Variants in SHANK2 observed in about 807,000 individuals in gnomAD.
The protein encoded by SHANK2 is SH3 and multiple ankyrin repeat domains protein 2.
A neutral mutation model predicts 133.7 loss-of-function variants in SHANK2; 43 were observed. That is an observed-to-expected ratio of 0.32 (90% CI 0.25 to 0.41). The LOEUF is 0.41. Among genes scored for constraint, SHANK2 ranks in the 10% least tolerant of loss-of-function variants. SHANK2 has a pLI of 1.00. For synonymous variants in SHANK2, 1,017 were observed against 952.8 expected (o/e 1.07, Z -1.24); for missense variants, 1,994 against 2,235.8 (o/e 0.89, Z 2.18).
At chr11:71,082,722 G>A (rs1951316859) in intron 8 of SHANK2, among the ~76,000 whole-genome samples, 1 of 152,196 alleles carries the variant, frequency 6.6e-6, no homozygotes, top group African/African-American at 2.4e-5. Context: ...GATGGGCAGG[G>A]GGCAGCCTGG....
intron 2 of SHANK2, among the ~76,000 whole-genome samples, chr11:71,156,976 G>A (rs749256372): frequency 7.9e-5 from 12 of 152,154 alleles, no homozygotes; most frequent in Admixed American, 6.5e-4. Context: ...AAGTATTATC[G>A]CCTGAAAGAG....
Position 70,473,604 on chromosome 11 carries a change from A to C in SHANK2, c.4980-165T>G. ...ATGATTTGCCATGCCAGGGTGGGGG[A>C]GGGGGAGAAAGGGGCCAGAGCAAAG... On this transcript the variant is annotated intron_variant, in intron 25 of 25. Coordinates refer to ENST00000601538, the MANE Select transcript of SHANK2 (RefSeq NM_012309.5). The surrounding 1 kb of genome is among the most constrained non-coding windows in gnomAD (Gnocchi z 5.9). 7.7e-6 allele frequency: 4 copies of C among 521,672 alleles called. No individual in the cohort carries two copies. Among genetic ancestry groups the C allele is most frequent in the Non-Finnish European group, 1.1e-5 (3 of 278,246 alleles). 32.3% of individuals were successfully genotyped at this position (521,672 alleles called of 1,614,324 possible).
At chr11:70,490,916 A>G (rs1372956824) in intron 22 of SHANK2, among the ~76,000 whole-genome samples, 1 of 152,218 alleles carries the variant, frequency 6.6e-6, no homozygotes, top group Non-Finnish European at 1.5e-5. Context: ...TGTGTGGGTG[A>G]GCATGATGTG....
chr11:70,791,541 CA>C (rs1436876639), intron 14 of SHANK2, among the ~76,000 whole-genome samples: 11 of 152,322 alleles, frequency 7.2e-5, no homozygotes, highest in Admixed American at 2.0e-4. Context: ...AACTTCCACC[CA>C]ACTCTTCATA....
chr11:71,069,720 T>C (rs998296340), intron 9 of SHANK2, among the ~76,000 whole-genome samples: 1 of 152,180 alleles, frequency 6.6e-6, no homozygotes, highest in East Asian at 1.9e-4. Flanking sequence ...GGCAAGGCAA[T>C]GGGCTAGTCC....
intron 14 of SHANK2, among the ~76,000 whole-genome samples, chr11:70,728,834 T>C (rs185659774): frequency 6.6e-6 from 1 of 152,250 alleles, no homozygotes; most frequent in Non-Finnish European, 1.5e-5. Context: ...CAGCTAAACA[T>C]ACCCATAAGG....
chr11:70,815,160 G>A (rs1555053989), intron 12 of SHANK2, among the ~76,000 whole-genome samples: 1 of 145,788 alleles, frequency 6.9e-6, no homozygotes, highest in Non-Finnish European at 1.5e-5. Flanking sequence ...GCACCTTTAG[G>A]AGGATGGGAG....
chr11:70,765,155 G>T (rs1477950535), intron 14 of SHANK2, among the ~76,000 whole-genome samples: 1 of 152,194 alleles, frequency 6.6e-6, no homozygotes, highest in East Asian at 1.9e-4. Context: ...CTGTTTCCTG[G>T]GGAAACATTA....
At chr11:70,730,764 C>T (rs1189384398) in intron 14 of SHANK2, among the ~76,000 whole-genome samples, 1 of 152,066 alleles carries the variant, frequency 6.6e-6, no homozygotes, top group African/African-American at 2.4e-5. Flanking sequence ...TTCATTTCAG[C>T]AACTTTCCTT....
At chr11:70,900,961 C>T (rs1303785977) in intron 10 of SHANK2, among the ~76,000 whole-genome samples, 1 of 152,124 alleles carries the variant, frequency 6.6e-6, no homozygotes, top group Admixed American at 6.5e-5. Context: ...GTCTCTGTGG[C>T]TGCAGGTGTG....
chr11:70,714,577 C>T (rs1350032532), intron 14 of SHANK2, among the ~76,000 whole-genome samples: 2 of 152,174 alleles, frequency 1.3e-5, no homozygotes, highest in Non-Finnish European at 2.9e-5. Flanking sequence ...AACATTTCTG[C>T]AGTATTGCAC....
chr11:70,576,417 G>C (rs1182832224), intron 17 of SHANK2, among the ~76,000 whole-genome samples: 9 of 152,104 alleles, frequency 5.9e-5, no homozygotes, highest in Non-Finnish European at 1.2e-4. Context: ...GGCAGATCAC[G>C]AGGTCAGGAG....
intron 11 of SHANK2, among the ~76,000 whole-genome samples, chr11:70,866,791 C>A (rs1210618061): frequency 6.6e-6 from 1 of 151,702 alleles, no homozygotes; most frequent in Non-Finnish European, 1.5e-5. Context: ...TTTTCATCTC[C>A]CCATTTCCCT....
intron 17 of SHANK2, among the ~76,000 whole-genome samples, chr11:70,519,614 TCCAG>T (rs1162642088): frequency 2.6e-5 from 4 of 151,878 alleles, no homozygotes; most frequent in African/African-American, 9.7e-5. Flanking sequence ...ACCATTGCAC[TCCAG>T]CCTGGGCAAC....
At chr11:70,880,376 G>T (rs1474203939) in intron 11 of SHANK2, among the ~76,000 whole-genome samples, 3 of 152,234 alleles carry the variant, frequency 2.0e-5, no homozygotes, top group Non-Finnish European at 4.4e-5. Context: ...GAAAGTTGGG[G>T]AGATGGATGG....
chr11:71,195,305 T>C (rs1953880072), intron 2 of SHANK2, among the ~76,000 whole-genome samples: 2 of 151,668 alleles, frequency 1.3e-5, no homozygotes, highest in Admixed American at 6.6e-5. Context: ...GGCAGGAGAA[T>C]GGCGTGAACC....
chr11:70,767,124 T>C (rs1176754968), intron 14 of SHANK2, among the ~76,000 whole-genome samples: 2 of 152,148 alleles, frequency 1.3e-5, no homozygotes, highest in Non-Finnish European at 2.9e-5. Context: ...CGCTGGGCTT[T>C]TGAACTGAAG....
At chr11:71,148,982 C>CGCTGGCCGT (rs56749011) in intron 2 of SHANK2, among the ~76,000 whole-genome samples, 55,287 of 151,762 alleles carry the variant, frequency 0.36, 12,707 homozygotes, top group African/African-American at 0.65. Flanking sequence ...GGGTGGGCCG[C>CGCTGGCCGT]GCTGCTTGGA....
chr11:70,949,612 G>A (rs552659292), intron 10 of SHANK2, among the ~76,000 whole-genome samples: 30 of 152,334 alleles, frequency 2.0e-4, no homozygotes, highest in African/African-American at 7.0e-4. Flanking sequence ...AAGCCTCACG[G>A]TTGGAGTGTT....
Sources: allele counts gnomAD v4.1 joint callset (sites outside exome capture counted in the v4.1 genomes callset), GRCh38; gene constraint gnomAD v4.1.1; non-coding constraint Gnocchi (gnomAD v3.1); transcripts MANE v1.5; gene names NCBI Gene and HGNC (gene_info 2026-07-23, HGNC 2026-07-21).